The following NECTIN3 variants were observed in gnomAD, a reference collection of about 807,000 sequenced individuals.
NECTIN3 encodes nectin-3.
NECTIN3 carries 8 observed loss-of-function variants against 49.4 expected under a neutral mutation model. That is an observed-to-expected ratio of 0.16 (90% CI 0.10 to 0.29). The LOEUF (loss-of-function observed/expected upper bound fraction) is 0.29, where lower values mean the gene tolerates loss of function less well. Ranked by LOEUF, NECTIN3 falls within the 10% of genes least tolerant of loss-of-function variation. The pLI is 1.00. For missense variants in NECTIN3, 581 were observed against 654.6 expected (o/e 0.89, Z 1.23); for synonymous variants, 277 against 241.1 (o/e 1.15, Z -1.38).
chr3:111,146,240 C>G (rs371580405), intron 6 of NECTIN3, among the ~76,000 whole-genome samples: 1,575 of 151,780 alleles, frequency 0.01, 32 homozygotes, highest in African/African-American at 0.034. Context: ...CGAGACCATC[C>G]CGGCTAAAAC....
chr3:111,105,127 C>CT (rs1202894266), intron 1 of NECTIN3, among the ~76,000 whole-genome samples: 1 of 140,568 alleles, frequency 7.1e-6, no homozygotes, highest in Non-Finnish European at 1.5e-5. Flanking sequence ...GTTTTCTTTT[C>CT]TTTTTTTTCT....
intron 1 of NECTIN3, among the ~76,000 whole-genome samples, chr3:111,086,557 C>T (rs1232698410): frequency 6.6e-6 from 1 of 152,120 alleles, no homozygotes; most frequent in Admixed American, 6.5e-5. Context: ...ATCAAGTAGC[C>T]ATATATGCCT....
chr3:111,112,341 G>T lies in NECTIN3; in HGVS notation c.472G>T (p.Ala158Ser), dbSNP rs752554749. The stretch of plus-strand genomic sequence containing the variant: ...AGCTGTTACATTCCCGCTTGGAAAT[G>T]CCCAGTCCTCTACAACTGTAACTGT... ...CKAVTFPLGN[A>S]QSSTTVTVLV... Residue 158 changes from alanine to serine, a missense_variant, in exon 2 of 6, where the codon GCC becomes TCC. Transcript: ENST00000485303. The T allele has an allele frequency of 1.2e-6, 2 of 1,610,876 alleles. No homozygotes were observed. Among genetic ancestry groups the T allele is most frequent in the South Asian group, 2.2e-5 (2 of 90,742 alleles).
chr3:111,145,035 A>G (rs887429447), exon 6 of NECTIN3: 25 of 1,535,950 alleles, frequency 1.6e-5, no homozygotes, highest in Non-Finnish European at 1.8e-5. Context: ...ATCTTGACAA[A>G]GTGTAGGTAA....
intron 5 of NECTIN3, among the ~76,000 whole-genome samples, chr3:111,128,947 A>G (rs565325465): frequency 1.3e-5 from 2 of 152,252 alleles, no homozygotes; most frequent in East Asian, 1.9e-4. Context: ...TGGGCTTCCC[A>G]TTTTACCCAC....
intron 7 of NECTIN3, among the ~76,000 whole-genome samples, chr3:111,181,926 G>A (rs71315868): frequency 0.012 from 1,827 of 151,244 alleles, 14 homozygotes; most frequent in Middle Eastern, 0.042. Flanking sequence ...TCTTTTTTCA[G>A]TTTCTTAAGC....
At chr3:111,169,804 C>G (rs372613880) in intron 7 of NECTIN3, among the ~76,000 whole-genome samples, 5 of 152,172 alleles carry the variant, frequency 3.3e-5, no homozygotes, top group Admixed American at 1.3e-4. Flanking sequence ...GCATACCAAT[C>G]AGATGAATCC....
intron 1 of NECTIN3, among the ~76,000 whole-genome samples, chr3:111,106,915 A>G (rs1355797902): frequency 6.6e-6 from 1 of 152,042 alleles, no homozygotes; most frequent in Non-Finnish European, 1.5e-5. Flanking sequence ...TATGCATGCC[A>G]TTACTGTAGG....
chr3:111,105,714 C>T (rs1158134053), intron 1 of NECTIN3, among the ~76,000 whole-genome samples: 2 of 152,088 alleles, frequency 1.3e-5, no homozygotes, highest in Non-Finnish European at 2.9e-5. Flanking sequence ...CTGGCTAGAA[C>T]CTTCAGTACA....
At chr3:111,179,168 T>C (rs2035584341) in intron 7 of NECTIN3, among the ~76,000 whole-genome samples, 1 of 152,230 alleles carries the variant, frequency 6.6e-6, no homozygotes, top group Non-Finnish European at 1.5e-5. Context: ...TTTCATGTTC[T>C]CTTGCCTTCT....
At chr3:111,104,032 C>T (rs1423766372) in intron 1 of NECTIN3, among the ~76,000 whole-genome samples, 1 of 152,144 alleles carries the variant, frequency 6.6e-6, no homozygotes, top group Non-Finnish European at 1.5e-5. Context: ...TGAGCAAAGA[C>T]ACAGGAATGA....
intron 1 of NECTIN3, among the ~76,000 whole-genome samples, chr3:111,107,725 T>G (rs972434096): frequency 1.3e-5 from 2 of 152,184 alleles, no homozygotes; most frequent in Non-Finnish European, 2.9e-5. Flanking sequence ...GCTTAAAGAT[T>G]GGTAGTCTCT....
chr3:111,112,020 TCCTCCATAGG>T lies in NECTIN3; in HGVS notation c.161-9_161del. 1 of 1,565,118 alleles carries T rather than the reference TCCTCCATAGG, an allele frequency of 6.4e-7. No individual in the cohort carries two copies. Among genetic ancestry groups the T allele is most frequent in the African/African-American group, 1.4e-5 (1 of 72,638 alleles). On this transcript the variant is annotated splice_acceptor_variant and splice_polypyrimidine_tract_variant and coding_sequence_variant and intron_variant, in exon 2 of 6. Transcript: ENST00000485303. LOFTEE classifies it high-confidence loss of function. ...TTTTAAAAATTGTAGTACTTTTTTT[TCCTCCATAGG>T]TGCCTTAGCTGGACCAATTATTGTG...
At chr3:111,178,010 A>G (rs981066298) in intron 7 of NECTIN3, among the ~76,000 whole-genome samples, 2 of 152,244 alleles carry the variant, frequency 1.3e-5, no homozygotes, top group South Asian at 4.1e-4. Flanking sequence ...AAGCAAGACC[A>G]TAAACCAAAA....
chr3:111,178,298 G>T (rs1272130267), intron 7 of NECTIN3, among the ~76,000 whole-genome samples: 1 of 152,114 alleles, frequency 6.6e-6, no homozygotes, highest in Non-Finnish European at 1.5e-5. Flanking sequence ...TAGCCATGAG[G>T]ACTTTCTTTC....
At chr3:111,079,053 A>G (rs2031427429) in intron 1 of NECTIN3, among the ~76,000 whole-genome samples, 1 of 152,274 alleles carries the variant, frequency 6.6e-6, no homozygotes, top group East Asian at 1.9e-4. Context: ...TGAGAACATT[A>G]TATATAATGT....
chr3:111,176,598 T>C (rs1024163374), intron 7 of NECTIN3, among the ~76,000 whole-genome samples: 32 of 152,354 alleles, frequency 2.1e-4, no homozygotes, highest in African/African-American at 7.5e-4. Context: ...TTTCTCTTTG[T>C]ATTTTACCTT....
intron 2 of NECTIN3, among the ~76,000 whole-genome samples, chr3:111,116,555 G>C (rs975550706): frequency 1.4e-4 from 21 of 152,188 alleles, no homozygotes; most frequent in African/African-American, 4.8e-4. Context: ...TGACATTAGA[G>C]TTTCAATGGA....
At chr3:111,164,698 T>C (rs1325520107) in intron 7 of NECTIN3, among the ~76,000 whole-genome samples, 1 of 152,208 alleles carries the variant, frequency 6.6e-6, no homozygotes, top group African/African-American at 2.4e-5. Context: ...GTTCTTCCTC[T>C]CTATAACTAC....
Sources: gnomAD v4.1 joint callset for allele counts (sites outside exome capture counted in the v4.1 genomes callset) on GRCh38, gnomAD v4.1.1 for gene constraint, MANE v1.5 for transcripts, NCBI Gene and HGNC (gene_info 2026-07-23, HGNC 2026-07-21) for gene names.